The following TAF1B variants were observed in gnomAD, a reference collection of about 807,000 sequenced individuals.
TAF1B encodes TATA-box binding protein associated factor, RNA polymerase I subunit B.
Under a neutral mutation model 83.9 loss-of-function variants are expected in TAF1B, and 61 were observed. That is an observed-to-expected ratio of 0.73 (90% confidence interval 0.59 to 0.90). The LOEUF is 0.90. Ranked by LOEUF, TAF1B falls within the 40% of genes least tolerant of loss-of-function variation. The pLI is 0.00. For missense variants in TAF1B, 625 were observed against 677.0 expected, an observed-to-expected ratio of 0.92 and a Z score of 0.85; for synonymous variants, 221 against 224.6, an observed-to-expected ratio of 0.98 and a Z score of 0.14.
At chr2:9,892,473 G>T (rs1044442289) in intron 8 of TAF1B, among the ~76,000 whole-genome samples, 2 of 152,058 alleles carry the variant, frequency 1.3e-5, no homozygotes. Context: ...CAACAACTCC[G>T]CATTCCCTCC....
chr2:9,907,877 G>A (rs1665394231), intron 9 of TAF1B, among the ~76,000 whole-genome samples: 2 of 151,930 alleles, frequency 1.3e-5, no homozygotes. Context: ...CTACAACCCA[G>A]TCTTCCCCTT....
chr2:9,896,720 C>T (rs75798992), intron 8 of TAF1B, among the ~76,000 whole-genome samples: 2,302 of 149,982 alleles, frequency 0.015, 67 homozygotes, highest in African/African-American at 0.053. Flanking sequence ...ATTTCAGTGG[C>T]CCCTCTGTCT....
At chr2:9,907,406 A>G (rs947337711) in intron 9 of TAF1B, among the ~76,000 whole-genome samples, 1 of 152,106 alleles carries the variant, frequency 6.6e-6, no homozygotes, top group African/African-American at 2.4e-5. Context: ...GAAGAGATCT[A>G]TGTATGTGGC....
chr2:9,911,855 G>C (rs150895616), intron 11 of TAF1B, among the ~76,000 whole-genome samples: 1 of 152,006 alleles, frequency 6.6e-6, no homozygotes, highest in Non-Finnish European at 1.5e-5. Flanking sequence ...CCATCCTGTC[G>C]ATTCTGATGC....
rs1664461758 is a variant in TAF1B, at chr2:9,880,368, G to C, written c.708-2338G>C. On this transcript the variant is annotated intron_variant, in intron 7 of 14. Coordinates refer to ENST00000263663, the MANE Select transcript of TAF1B (RefSeq NM_005680.3). ...TGTCAACTTCCTGGATTGATCTAGA[G>C]AACTAGCTGATAATACCTAGGAAGG... Among the ~76,000 whole-genome samples, 3 of 140,490 alleles carry C rather than the reference G, an allele frequency of 2.1e-5. No individual in the cohort carries two copies. In the South Asian group the frequency reaches 7.3e-4, roughly 34 times the overall value. The allele number at this position is 140,490 out of a possible 152,430, so 92.2% of individuals were successfully genotyped here. A position where few individuals can be genotyped will look rare whatever the true frequency, so the allele number is the denominator to read the frequency against.
chr2:9,902,176 T>C (rs576726860), intron 8 of TAF1B, among the ~76,000 whole-genome samples: 1 of 152,020 alleles, frequency 6.6e-6, no homozygotes, highest in East Asian at 1.9e-4. Flanking sequence ...TTAAGGTCTT[T>C]CCACCTTTGT....
intron 5 of TAF1B, among the ~76,000 whole-genome samples, chr2:9,861,409 G>A (rs1026493972): frequency 9.8e-5 from 15 of 152,382 alleles, no homozygotes; most frequent in African/African-American, 1.2e-4. Flanking sequence ...AGGGGCGCCC[G>A]CCATTGCCGA....
At chr2:9,911,121 A>T (rs1665520114) in intron 10 of TAF1B, among the ~76,000 whole-genome samples, 1 of 152,240 alleles carries the variant, frequency 6.6e-6, no homozygotes, top group Non-Finnish European at 1.5e-5. Context: ...TTTCTTACAC[A>T]GTACTTTGAC....
At chr2:9,851,196 C>T (rs1029895771) in intron 3 of TAF1B, among the ~76,000 whole-genome samples, 4 of 152,026 alleles carry the variant, frequency 2.6e-5, no homozygotes, top group Non-Finnish European at 5.9e-5. Context: ...TTTTAAAACT[C>T]GTTTCACTTT....
At chr2:9,888,619 G>A (rs1399443337) in intron 8 of TAF1B, among the ~76,000 whole-genome samples, 1 of 151,410 alleles carries the variant, frequency 6.6e-6, no homozygotes, top group Non-Finnish European at 1.5e-5. Flanking sequence ...ATTGTCTTCA[G>A]GCCTGCCTAA....
chr2:9,911,640 T>C, intron 11 of TAF1B, 83 bp downstream of exon 11: 1 of 957,422 alleles, frequency 1.0e-6, no homozygotes, highest in South Asian at 1.9e-5. Flanking sequence ...CAAACAACTT[T>C]GAAAAATACA....
chr2:9,890,045 T>C (rs564312494), intron 8 of TAF1B, among the ~76,000 whole-genome samples: 1 of 152,314 alleles, frequency 6.6e-6, no homozygotes, highest in East Asian at 1.9e-4. Flanking sequence ...CTATGCAATT[T>C]TGTCCTTTGT....
chr2:9,888,689 T>A (rs1320466000), intron 8 of TAF1B, among the ~76,000 whole-genome samples: 1 of 151,948 alleles, frequency 6.6e-6, no homozygotes, highest in Non-Finnish European at 1.5e-5. Flanking sequence ...ATGTGCCTTT[T>A]TTCCTTTAGC....
intron 5 of TAF1B, among the ~76,000 whole-genome samples, chr2:9,864,037 A>T (rs1487836829): frequency 2.7e-4 from 41 of 152,182 alleles, no homozygotes; most frequent in Admixed American, 2.7e-3. Flanking sequence ...AATTAAAAGA[A>T]CTAGAGAAAC....
At chr2:9,882,880 T>A in intron 8 of TAF1B, 75 bp downstream of exon 8, 2 of 1,099,554 alleles carry the variant, frequency 1.8e-6, no homozygotes, top group Non-Finnish European at 2.6e-6. Context: ...ATTTCTTGCT[T>A]GACTTATTAT....
At chr2:9,853,883 C>T (rs1663477495) in intron 4 of TAF1B, among the ~76,000 whole-genome samples, 1 of 152,102 alleles carries the variant, frequency 6.6e-6, no homozygotes. Flanking sequence ...CCTTAATTTA[C>T]TTAATATGCA....
chr2:9,915,873 G>A (rs1161117640), intron 12 of TAF1B, among the ~76,000 whole-genome samples: 2 of 151,760 alleles, frequency 1.3e-5, no homozygotes, highest in African/African-American at 4.9e-5. Flanking sequence ...CTAAACTGTT[G>A]TATCCGTACA....
chr2:9,933,791 C>G lies in TAF1B; in HGVS notation c.1574C>G (p.Thr525Arg). The change falls in exon 15 of 15, where the codon ACA (threonine) becomes AGA (arginine). Residue 525 changes from threonine (T) to arginine (R), a missense_variant. By Grantham distance (71) the Thr-to-Arg change is moderately conservative. Coordinates refer to ENST00000263663, the MANE Select transcript of TAF1B (RefSeq NM_005680.3). ...TTCTTTTTCCCTTCTAGCTATTGTA[C>G]ACATGTGACAACCTATGAAGAATCA... is the stretch of plus-strand genomic sequence containing the variant. The part of the protein sequence containing the change: ...STQKFCRCYC[T>R]HVTTYEESNY... The G allele has an allele frequency of 6.2e-7, 1 of 1,609,740 alleles. No individual in the cohort carries two copies. Among genetic ancestry groups the G allele is most frequent in the Non-Finnish European group, 8.5e-7 (1 of 1,178,426 alleles).
At chr2:9,904,482 A>G (rs1180812541) in intron 8 of TAF1B, among the ~76,000 whole-genome samples, 1 of 152,158 alleles carries the variant, frequency 6.6e-6, no homozygotes, top group African/African-American at 2.4e-5. Context: ...ATAGACGACA[A>G]TTTCTTCATC....
Sources: gnomAD v4.1 joint callset for allele counts (sites outside exome capture counted in the v4.1 genomes callset) on GRCh38, gnomAD v4.1.1 for gene constraint, MANE v1.5 for transcripts, NCBI Gene and HGNC (gene_info 2026-07-23, HGNC 2026-07-21) for gene names.